The following OTOGL variants were observed in gnomAD, a reference collection of about 807,000 sequenced individuals.
OTOGL encodes the protein otogelin-like protein.
OTOGL carries 285 observed loss-of-function variants against 318.5 expected under a neutral mutation model. That is an observed-to-expected ratio of 0.89 (90% CI 0.81 to 0.99). The LOEUF (loss-of-function observed/expected upper bound fraction) is 0.99. Ranked by LOEUF, OTOGL falls within the 50% of genes least tolerant of loss-of-function variation. OTOGL has a pLI of 0.00. For missense variants in OTOGL, 2,899 were observed against 2,845.6 expected, an observed-to-expected ratio of 1.02 and a Z score of -0.43; for synonymous variants, 987 against 936.5, an observed-to-expected ratio of 1.05 and a Z score of -0.99.
At chr12:80,158,059 G>A (rs926487624) in intron 1 of OTOGL, among the ~76,000 whole-genome samples, 3 of 151,888 alleles carry the variant, frequency 2.0e-5, no homozygotes, top group Non-Finnish European at 4.4e-5. Flanking sequence ...TAAATCCTAA[G>A]CATTTTAAGT....
At chr12:80,307,901 G>A (rs1482983237) in intron 29 of OTOGL, among the ~76,000 whole-genome samples, 1 of 132,710 alleles carries the variant, frequency 7.5e-6, no homozygotes. Flanking sequence ...CCCGGACGGG[G>A]CGGCTGGCCG....
At position 80,378,040 on chromosome 12, in the gene OTOGL, TGG is replaced by T. The variant is rs1460741681; in HGVS notation, c.7055_7056del (p.Trp2352Ter). On this transcript the variant is annotated frameshift_variant, in exon 59 of 59. Transcript: ENST00000547103. LOFTEE classifies it high-confidence loss of function. ...LQEPIDCTCQ[W>X]N ...GGAACCCATAGACTGTACGTGCCAG[TGG>T]AATTAAACCCTTGGGTTCCAAGAGC... 1.9e-6 allele frequency: 3 copies of T among 1,569,914 alleles called. No homozygotes were observed. In the South Asian group the frequency reaches 3.5e-5, roughly 18 times the overall value.
At chr12:80,188,931 C>T (rs147796274) in intron 1 of OTOGL, among the ~76,000 whole-genome samples, 207 of 152,306 alleles carry the variant, frequency 1.4e-3, no homozygotes, top group African/African-American at 4.8e-3. Flanking sequence ...CCATGTCTCT[C>T]CCTTCAGGTG....
intron 47 of OTOGL, 22 bp downstream of exon 47, chr12:80,355,970 A>G (rs1311787233): frequency 6.2e-7 from 1 of 1,601,872 alleles, no homozygotes; most frequent in Non-Finnish European, 8.6e-7. Flanking sequence ...GAAGCCTTAT[A>G]GTCAATTGAT....
intron 46 of OTOGL, among the ~76,000 whole-genome samples, chr12:80,354,047 G>A (rs1447496795): frequency 5.9e-5 from 9 of 152,154 alleles, no homozygotes; most frequent in Non-Finnish European, 8.8e-5. Flanking sequence ...TCGATCCTCC[G>A]TGTGGCAGTG....
At chr12:80,198,977 T>C (rs1258693506) in intron 1 of OTOGL, among the ~76,000 whole-genome samples, 1 of 152,214 alleles carries the variant, frequency 6.6e-6, no homozygotes, top group Non-Finnish European at 1.5e-5. Flanking sequence ...AAAATATACA[T>C]AACCTGTAAT....
At chr12:80,163,483 G>C (rs1436963279) in intron 1 of OTOGL, among the ~76,000 whole-genome samples, 1 of 152,026 alleles carries the variant, frequency 6.6e-6, no homozygotes, top group Non-Finnish European at 1.5e-5. Flanking sequence ...AGATCATAGG[G>C]GTAGTTAGTA....
chr12:80,137,550 C>T (rs1327441305), intron 1 of OTOGL, among the ~76,000 whole-genome samples: 1 of 152,118 alleles, frequency 6.6e-6, no homozygotes, highest in Middle Eastern at 3.2e-3. Context: ...AGTGCCCAGA[C>T]CTTAACATGC....
At chr12:80,245,959 T>C (rs1222446700) in intron 11 of OTOGL, among the ~76,000 whole-genome samples, 1 of 134,266 alleles carries the variant, frequency 7.4e-6, no homozygotes, top group African/African-American at 3.0e-5. Context: ...TTTGGCTCTC[T>C]GTTTGTCTGT....
rs1886281018 is a variant in OTOGL at position 80,307,791 on chromosome 12, C to T, written c.3333+2096C>T. ...CGGGGTGGCTGGCCGGGCAGAGGGG[C>T]TCCTCACTTCCCAGTAGGGGCGGCC... On this transcript the variant is annotated intron_variant, in intron 29 of 58. Coordinates refer to ENST00000547103, the MANE Select transcript of OTOGL (RefSeq NM_001378609.3). Among the ~76,000 whole-genome samples the T allele has an allele frequency of 5.2e-5, 7 of 135,528 alleles. No individual in the cohort carries two copies. In the South Asian group the frequency reaches 7.4e-4, roughly 14 times the overall value. The allele number at this position is 135,528 out of a possible 152,430, so 88.9% of individuals were successfully genotyped here.
rs955287306 is a variant in OTOGL, at chr12:80,279,066, C to T, written c.2828C>T (p.Pro943Leu). The change falls in exon 26 of 59, where the codon CCA (proline) becomes CTA (leucine). Residue 943 changes from proline to leucine, a missense_variant. By Grantham distance (98) the Pro-to-Leu change is moderately conservative (BLOSUM62 -3). This residue lies in a region of OTOGL where 2,607 missense variants were observed against 2,524.9 expected (regional missense o/e 1.03). Transcript: ENST00000547103. ...GGAATGTTCAATTGCACATATTATC[C>T]ATGCCCAGCAGTGTGCACAATATAC... is the stretch of plus-strand genomic sequence containing the variant. The part of the protein sequence containing the change: ...RRGMFNCTYY[P>L]CPAVCTIYGD... 1.3e-6 allele frequency: 2 copies of T among 1,577,504 alleles called. No individual in the cohort carries two copies. Among genetic ancestry groups the T allele is most frequent in the African/African-American group, 2.7e-5 (2 of 73,718 alleles).
rs776933210 is a variant in OTOGL at position 80,262,072 on chromosome 12, T to C, written c.1993T>C (p.Cys665Arg). The change falls in exon 19 of 59, where the codon TGT becomes CGT. Residue 665 changes from cysteine (C) to arginine (R), a missense_variant. Cys to Arg is a radical substitution (Grantham distance 180). Transcript: ENST00000547103. ...TGTTCATGTCCCAGTGGTGGACCCC[T>C]GTAACATCAATCAACAAAACAGTAA... The part of the protein sequence containing the change: ...APVHVPVVDP[C>R]NINQQNIGYA... The C allele has an allele frequency of 6.2e-7, 1 of 1,609,528 alleles. No individual in the cohort carries two copies. The highest frequency in any genetic ancestry group is 8.5e-7 in the Non-Finnish European group (1 of 1,177,366).
intron 1 of OTOGL, among the ~76,000 whole-genome samples, chr12:80,126,721 C>A (rs1252271032): frequency 6.6e-6 from 1 of 152,140 alleles, no homozygotes; most frequent in African/African-American, 2.4e-5. Flanking sequence ...AATCTGGGTG[C>A]TCTTGTATTG....
At chr12:80,205,057 C>T (rs1373288617) in intron 1 of OTOGL, among the ~76,000 whole-genome samples, 1 of 152,166 alleles carries the variant, frequency 6.6e-6, no homozygotes, top group African/African-American at 2.4e-5. Context: ...ACCACCCCTA[C>T]TGCCACTAAA....
chr12:80,307,650 G>A (rs1238442936), intron 29 of OTOGL, among the ~76,000 whole-genome samples: 1 of 145,090 alleles, frequency 6.9e-6, no homozygotes, highest in South Asian at 2.2e-4. Context: ...GGGACGGCTG[G>A]CCGGGCAGAG....
chr12:80,117,442 A>C (rs1387979773), intron 1 of OTOGL, among the ~76,000 whole-genome samples: 1 of 152,174 alleles, frequency 6.6e-6, no homozygotes, highest in East Asian at 1.9e-4. Flanking sequence ...AAGCCTAGAC[A>C]TGTAGAACCT....
At chr12:80,367,835 AAT>A (rs1490783273) in intron 54 of OTOGL, 96 bp downstream of exon 54, 2 of 801,716 alleles carry the variant, frequency 2.5e-6, no homozygotes, top group Non-Finnish European at 3.6e-6. Context: ...ATTAGTTTAA[AAT>A]ATATATTATA....
In OTOGL at chr12:80,369,179, C is replaced by A. The variant is rs2198098; in HGVS notation, c.6615+870C>A. On this transcript the variant is annotated intron_variant, in intron 55 of 58. Transcript: ENST00000547103. The stretch of plus-strand genomic sequence containing the variant: ...CTCAGCTTTGACATAATTAAATATG[C>A]AAACAAATTAGAAACACATATTTTT... 4.1e-3 allele frequency among the ~76,000 whole-genome samples: 620 copies of A among 151,914 alleles called. 5 individuals carry two copies. The highest frequency in any genetic ancestry group is 0.014 in the African/African-American group (588 of 41,486).
rs371086474 is a variant in OTOGL at position 80,233,089 on chromosome 12, T to A, written c.809T>A (p.Ile270Asn). 7.7e-5 allele frequency: 123 copies of A among 1,590,820 alleles called. No homozygotes were observed. Among genetic ancestry groups the A allele is most frequent in the Non-Finnish European group, 1.0e-4 (117 of 1,172,300 alleles). The change falls in exon 9 of 59, where the codon ATT becomes AAT. Residue 270 changes from isoleucine (I) to asparagine (N), a missense_variant. Physicochemically the swap from Ile to Asn is moderately radical, Grantham distance 149. Around this residue, in one of 3 missense-constraint regions of OTOGL, gnomAD observed 2,607 missense variants for 2,524.9 expected, o/e 1.03. Coordinates refer to ENST00000547103, the MANE Select transcript of OTOGL (RefSeq NM_001378609.3). ...GACATTCAATCTGATGATTTCATAATTCTGCAAGGTAAGTGAAGCAGAATA... is the reference window on the plus strand; with the variant it reads ...GACATTCAATCTGATGATTTCATAAATCTGCAAGGTAAGTGAAGCAGAATA... ...YNDIQSDDFI[I>N]LQEDYTEDIA... is the part of the protein sequence containing the mutation.
Sources: allele counts gnomAD v4.1 joint callset (sites outside exome capture counted in the v4.1 genomes callset), GRCh38; gene constraint gnomAD v4.1.1; regional missense constraint gnomAD v4.1.1; transcripts MANE v1.5; gene names NCBI Gene and HGNC (gene_info 2026-07-23, HGNC 2026-07-21).